PDE2A: variants seen among roughly 807,000 people sequenced by gnomAD.
PDE2A encodes phosphodiesterase 2A.
A neutral mutation model predicts 133.6 loss-of-function variants in PDE2A; 53 were observed. That is an observed-to-expected ratio of 0.40 (90% CI 0.32 to 0.50). The LOEUF (loss-of-function observed/expected upper bound fraction) is 0.50, where lower values mean the gene tolerates loss of function less well. Among genes scored for constraint, PDE2A ranks in the 20% least tolerant of loss-of-function variants. The pLI is 0.73. For missense variants in PDE2A, 796 were observed against 1,232.4 expected (o/e 0.65, Z 5.30); for synonymous variants, 491 against 490.2 (o/e 1.00, Z -0.02).
intron 1 of PDE2A, among the ~76,000 whole-genome samples, chr11:72,658,871 T>G (rs1361583092): frequency 6.6e-6 from 1 of 152,018 alleles, no homozygotes; most frequent in Non-Finnish European, 1.5e-5. Flanking sequence ...AATTTTTTTT[T>G]TCTTTTAAGA....
chr11:72,665,865 G>A (rs1383398864), intron 1 of PDE2A, among the ~76,000 whole-genome samples: 1 of 151,400 alleles, frequency 6.6e-6, no homozygotes, highest in Non-Finnish European at 1.5e-5. Context: ...AGAGATAACA[G>A]AGAAAGCCTT....
intron 2 of PDE2A, among the ~76,000 whole-genome samples, chr11:72,624,691 T>C (rs1308194819): frequency 2.0e-5 from 3 of 152,114 alleles, no homozygotes; most frequent in Non-Finnish European, 4.4e-5. Flanking sequence ...ACACACGTGG[T>C]AGCATGCAAT....
At chr11:72,653,228 G>A (rs1284935651) in intron 1 of PDE2A, among the ~76,000 whole-genome samples, 1 of 152,158 alleles carries the variant, frequency 6.6e-6, no homozygotes, top group East Asian at 1.9e-4. Flanking sequence ...GGCTCTCGAG[G>A]GGAAGAAGGA....
chr11:72,584,403 C>G, intron 18 of PDE2A, 90 bp from the exon 19 acceptor site: 2 of 1,248,582 alleles, frequency 1.6e-6, no homozygotes, highest in Non-Finnish European at 2.3e-6. Flanking sequence ...TCGCAGTTTC[C>G]GCAGGTTACG....
intron 4 of PDE2A, among the ~76,000 whole-genome samples, chr11:72,603,383 C>G (rs1323880853): frequency 6.6e-6 from 1 of 152,178 alleles, no homozygotes; most frequent in Admixed American, 6.5e-5. Context: ...GATCTGAGCC[C>G]TCTCAAAAAT....
chr11:72,653,778 C>T (rs2135450773), intron 1 of PDE2A, among the ~76,000 whole-genome samples: 1 of 152,310 alleles, frequency 6.6e-6, no homozygotes, highest in Middle Eastern at 3.4e-3. Flanking sequence ...ATGGGGGTCA[C>T]CCCCCAGCCT....
chr11:72,670,417 T>C (rs1855358910), intron 1 of PDE2A, among the ~76,000 whole-genome samples: 1 of 152,126 alleles, frequency 6.6e-6, no homozygotes, highest in Non-Finnish European at 1.5e-5. Context: ...CTCACTCACC[T>C]ATGGGAGAGT....
chr11:72,587,204 C>A (rs761774696), intron 13 of PDE2A, among the ~76,000 whole-genome samples: 2 of 152,220 alleles, frequency 1.3e-5, no homozygotes, highest in African/African-American at 2.4e-5. Flanking sequence ...TCACCCATGC[C>A]CAGTGCAGAG....
chr11:72,580,766 C>A, intron 24 of PDE2A, 120 bp downstream of exon 24: 1 of 949,778 alleles, frequency 1.1e-6, no homozygotes, highest in Admixed American at 1.9e-5. Flanking sequence ...GGGGAACCTC[C>A]TCCTGTGTCT....
At chr11:72,581,572 A>G in intron 22 of PDE2A, 93 bp from the exon 23 acceptor site, 1 of 1,380,278 alleles carries the variant, frequency 7.2e-7, no homozygotes, top group Non-Finnish European at 9.9e-7. Context: ...TCCATCCCTG[A>G]GGGACCCTCC....
At chr11:72,586,048 A>T (rs749344290) in intron 14 of PDE2A, 22 bp downstream of exon 14, 2 of 1,391,402 alleles carry the variant, frequency 1.4e-6, no homozygotes, top group Non-Finnish European at 2.0e-6. Context: ...TGCCCGAGAG[A>T]GGCTGAAGGC....
intron 1 of PDE2A, among the ~76,000 whole-genome samples, chr11:72,649,594 C>T (rs1479065862): frequency 3.9e-5 from 6 of 152,238 alleles, no homozygotes; most frequent in African/African-American, 1.2e-4. Context: ...TCACACAAAA[C>T]ATGATTGTCT....
chr11:72,601,436 G>T (rs915252130), intron 4 of PDE2A, among the ~76,000 whole-genome samples: 1 of 142,692 alleles, frequency 7.0e-6, no homozygotes, highest in Non-Finnish European at 1.5e-5. Context: ...GACCGTTCCC[G>T]GTGTCCTCTG....
chr11:72,593,832 C>G (rs1433327052), intron 6 of PDE2A, among the ~76,000 whole-genome samples: 2 of 152,268 alleles, frequency 1.3e-5, no homozygotes, highest in Non-Finnish European at 2.9e-5. Flanking sequence ...TGGACCCCAG[C>G]ATTCCTTTGC....
At chr11:72,634,977 C>T (rs1415546591) in intron 2 of PDE2A, among the ~76,000 whole-genome samples, 1 of 152,202 alleles carries the variant, frequency 6.6e-6, no homozygotes, top group Admixed American at 6.5e-5. Flanking sequence ...CCTGTTTTCC[C>T]CCTCAGGCTG....
chr11:72,671,240 A>G (rs549694943), intron 1 of PDE2A, among the ~76,000 whole-genome samples: 1 of 152,182 alleles, frequency 6.6e-6, no homozygotes, highest in South Asian at 2.1e-4. Context: ...GAGAACAGGG[A>G]CTCAGTCAGT....
intron 7 of PDE2A, 119 bp downstream of exon 7, chr11:72,591,178 C>T: frequency 1.3e-6 from 1 of 795,560 alleles, no homozygotes; most frequent in Non-Finnish European, 2.2e-6. Context: ...TCACACAGCT[C>T]AAAAGCAGCA....
chr11:72,620,091 G>A (rs975943743), intron 2 of PDE2A, among the ~76,000 whole-genome samples: 2 of 152,186 alleles, frequency 1.3e-5, no homozygotes, highest in African/African-American at 2.4e-5. Context: ...TGGAGCTCCT[G>A]TGCAAGGTAT....
intron 2 of PDE2A, among the ~76,000 whole-genome samples, chr11:72,632,728 C>T (rs1858469143): frequency 1.3e-5 from 2 of 152,126 alleles, no homozygotes; most frequent in South Asian, 4.1e-4. Flanking sequence ...CCCCTCCCCT[C>T]CCCTGAGAGG....
Sources: gnomAD v4.1 joint callset for allele counts (sites outside exome capture counted in the v4.1 genomes callset) on GRCh38, gnomAD v4.1.1 for gene constraint, MANE v1.5 for transcripts, NCBI Gene and HGNC (gene_info 2026-07-23, HGNC 2026-07-21) for gene names.